The following IMPDH1 variants were observed in gnomAD, a reference collection of about 807,000 sequenced individuals.
IMPDH1 encodes the protein inosine monophosphate dehydrogenase 1.
Under a neutral mutation model 73.5 loss-of-function variants are expected in IMPDH1, and 41 were observed. The ratio of observed to expected loss-of-function variants is 0.56; its 90% confidence interval spans 0.43 to 0.72. IMPDH1 has a LOEUF of 0.72. Among genes scored for constraint, IMPDH1 ranks in the 30% least tolerant of loss-of-function variants. The pLI, the probability that IMPDH1 is intolerant of heterozygous loss-of-function variation, is 0.00. For synonymous variants in IMPDH1, 318 were observed against 334.3 expected (o/e 0.95, Z 0.53); for missense variants, 645 against 824.8 (o/e 0.78, Z 2.67).
At position 128,392,432 on chromosome 7, in the gene IMPDH1, G is replaced by A. The variant is rs1296537783; in HGVS notation, c.*575C>T. ...GGACGGTGGTGAGTCAGGAATGACA[G>A]GCAGGCGGCCATGACCAGGGCAGTC... is the stretch of plus-strand genomic sequence containing the variant. On this transcript the variant is annotated 3_prime_UTR_variant, in exon 17 of 17. Coordinates refer to ENST00000338791, the MANE Select transcript of IMPDH1 (RefSeq NM_000883.4). The A allele has an allele frequency of 1.3e-5, 2 of 154,674 alleles. No homozygotes were observed. Among genetic ancestry groups the A allele is most frequent in the Non-Finnish European group, 2.9e-5 (2 of 69,438 alleles). 9.6% of individuals were successfully genotyped at this position (154,674 alleles called of 1,614,324 possible). A position where few individuals can be genotyped will look rare whatever the true frequency, so the allele number is the denominator to read the frequency against.
chr7:128,409,525 C>T (rs1041885758), intron 1 of IMPDH1, 41 bp from the exon 2 acceptor site: 4 of 1,609,520 alleles, frequency 2.5e-6, no homozygotes, highest in African/African-American at 1.3e-5. Flanking sequence ...GTTCCCTCTC[C>T]TCCGCTCCCC....
intron 5 of IMPDH1, among the ~76,000 whole-genome samples, chr7:128,403,474 C>T (rs958802886): frequency 1.3e-5 from 2 of 150,546 alleles, no homozygotes; most frequent in Non-Finnish European, 2.9e-5. Flanking sequence ...AGGAGAATCA[C>T]TTGAATCTGG....
Position 128,409,335 on chromosome 7 carries a change from A to G in IMPDH1, c.208T>C (p.Leu70=), listed in dbSNP as rs1356669313. 1 of 1,614,224 alleles carries G rather than the reference A, an allele frequency of 6.2e-7. No homozygotes were observed. The change falls in exon 3 of 17, where the codon TTA becomes CTA. Residue 70 remains leucine, a synonymous_variant. Transcript: ENST00000338791. ...TPRSELSSVV[L]LAGVGVQMDR... is the part of the protein sequence containing the mutation. ...ATCTGGACACCAACACCTGCCAGTA[A>G]GACCACTGAAGATAGTTCTAGGAGG...
At position 128,396,521 on chromosome 7, in the gene IMPDH1, G is replaced by C. The variant is rs1235816921; in HGVS notation, c.1261+79C>G. On this transcript the variant is annotated intron_variant, in intron 12 of 16. Coordinates refer to ENST00000338791, the MANE Select transcript of IMPDH1 (RefSeq NM_000883.4). This position sits in a 1 kb window ranked among gnomAD's most constrained non-coding sequence, Gnocchi z 4.0. ...CCATGGCAGAACAGGGCCTGGCAGA[G>C]AGAGTACTTGATATACATCTGGGGA... is the stretch of plus-strand genomic sequence containing the variant. 9.0e-7 allele frequency: 1 copy of C among 1,106,862 alleles called. No homozygotes were observed. The highest frequency in any genetic ancestry group is 1.6e-5 in the African/African-American group (1 of 64,510). 68.6% of individuals were successfully genotyped at this position (1,106,862 alleles called of 1,614,324 possible). A position where few individuals can be genotyped will look rare whatever the true frequency, so the allele number is the denominator to read the frequency against.
In IMPDH1 at chr7:128,393,693, C is replaced by T. The variant is rs189263831; in HGVS notation, c.1778+585G>A. 1.6e-3 allele frequency: 290 copies of T among 181,932 alleles called. 1 individual carries two copies. Among genetic ancestry groups the T allele is most frequent in the East Asian group, 0.014 (97 of 6,826 alleles). The allele number at this position is 181,932 out of a possible 1,614,324, so 11.3% of individuals were successfully genotyped here. A position where few individuals can be genotyped will look rare whatever the true frequency, so the allele number is the denominator to read the frequency against. On this transcript the variant is annotated intron_variant, in intron 16 of 16. Coordinates refer to ENST00000338791, the MANE Select transcript of IMPDH1 (RefSeq NM_000883.4). ...CCCAGACTGCCCCTGCTCTACTCTA[C>T]GCTTGGCCCGGGCAGCGCGGTTACT...
intron 5 of IMPDH1, among the ~76,000 whole-genome samples, chr7:128,403,195 C>T (rs544196309): frequency 5.9e-5 from 9 of 152,308 alleles, no homozygotes; most frequent in Admixed American, 5.9e-4. Flanking sequence ...CCTGTGTTCC[C>T]ATAGCTGCCT....
chr7:128,398,390 C>A lies in IMPDH1; in HGVS notation c.1074+24G>T. On this transcript the variant is annotated intron_variant, in intron 10 of 16. Coordinates refer to ENST00000338791, the MANE Select transcript of IMPDH1 (RefSeq NM_000883.4). This position sits in a 1 kb window ranked among gnomAD's most constrained non-coding sequence, Gnocchi z 4.3. ...CTGCTGAACCACTCATCCATCTCCC[C>A]CACCACTCAGGCGGGGGCCTTACCA... 1 of 1,604,882 alleles carries A rather than the reference C, an allele frequency of 6.2e-7. No individual in the cohort carries two copies. Among genetic ancestry groups the A allele is most frequent in the Non-Finnish European group, 8.5e-7 (1 of 1,173,072 alleles).
At chr7:128,397,647 G>T (rs747736469) in intron 10 of IMPDH1, among the ~76,000 whole-genome samples, 4 of 152,128 alleles carry the variant, frequency 2.6e-5, no homozygotes, top group African/African-American at 4.8e-5. Context: ...ACTCACAAGG[G>T]ATCAATAAGC....
At chr7:128,395,351 C>A in intron 12 of IMPDH1, 77 bp from the exon 13 acceptor site, 2 of 1,544,286 alleles carry the variant, frequency 1.3e-6, no homozygotes, top group Middle Eastern at 2.2e-4. Context: ...CAGCCCAGCT[C>A]TTCCTCCTGT....
chr7:128,397,892 C>G (rs1459793299), intron 10 of IMPDH1, among the ~76,000 whole-genome samples: 2 of 152,164 alleles, frequency 1.3e-5, no homozygotes, highest in African/African-American at 4.8e-5. Context: ...CTCCCACCCT[C>G]TCCCATTTTG....
rs757136016 is a variant in IMPDH1, at chr7:128,401,077, T to C, written c.442A>G (p.Thr148Ala). The C allele has an allele frequency of 5.0e-6, 8 of 1,613,878 alleles. No homozygotes were observed. The highest frequency in any genetic ancestry group is 1.6e-4 in the Middle Eastern group (1 of 6,078). The change falls in exon 6 of 17, where the codon ACG becomes GCG. Residue 148 changes from threonine to alanine, a missense_variant. By Grantham distance (58) the Thr-to-Ala change is moderately conservative. This residue lies in a region of IMPDH1 where 459 missense variants were observed against 638.2 expected (regional missense o/e 0.72). Transcript: ENST00000338791. ...TCCATGGGGGAGGAGATCAGTGGCG[T>C]CTTCAGCGTGATCTTCCGGGTCAGG... ...SALTRKITLKTPLISSPMDTV... is the reference protein window; with the variant it reads ...SALTRKITLKAPLISSPMDTV...
chr7:128,394,964 C>T lies in IMPDH1; in HGVS notation c.1475G>A (p.Arg492Gln), dbSNP rs140785990. ...GCCCATGCCCCGGTACTTCTTGAGC[C>T]GCACCCCGTCTGAGAAGAAGTACTC... ...PGEYFFSDGV[R>Q]LKKYRGMGSL... The change falls in exon 14 of 17, where the codon CGG becomes CAG. Residue 492 changes from arginine (R) to glutamine (Q), a missense_variant. By Grantham distance (43) the Arg-to-Gln change is conservative. Around this residue, in one of 2 missense-constraint regions of IMPDH1, gnomAD observed 459 missense variants for 638.2 expected, o/e 0.72. Coordinates refer to ENST00000338791, the MANE Select transcript of IMPDH1 (RefSeq NM_000883.4). This position sits in a 1 kb window ranked among gnomAD's most constrained non-coding sequence, Gnocchi z 5.5. 1.8e-4 allele frequency: 283 copies of T among 1,613,810 alleles called. No homozygotes were observed. Among genetic ancestry groups the T allele is most frequent in the Non-Finnish European group, 2.3e-4 (268 of 1,180,018 alleles).
intron 12 of IMPDH1, among the ~76,000 whole-genome samples, chr7:128,395,520 G>A (rs761353142): frequency 3.3e-5 from 5 of 152,166 alleles, no homozygotes; most frequent in African/African-American, 7.2e-5. Flanking sequence ...AACCAGAAGC[G>A]GCCTTCAGAG....
At chr7:128,393,150 T>G (rs1797650975) in intron 16 of IMPDH1, 122 bp from the exon 17 acceptor site, 1 of 1,112,306 alleles carries the variant, frequency 9.0e-7, no homozygotes, top group Non-Finnish European at 1.4e-6. Flanking sequence ...CCCTGAGATC[T>G]CAGCCGTACG....
Position 128,396,698 on chromosome 7 carries a change from G to T in IMPDH1, c.1166-3C>A, listed in dbSNP as rs548947998. 3 of 1,551,082 alleles carry T rather than the reference G, an allele frequency of 1.9e-6. No individual in the cohort carries two copies. Among genetic ancestry groups the T allele is most frequent in the Admixed American group, 3.9e-5 (2 of 51,096 alleles). On this transcript the variant is annotated splice_polypyrimidine_tract_variant and splice_region_variant and intron_variant, in intron 11 of 16. Coordinates refer to ENST00000338791, the MANE Select transcript of IMPDH1 (RefSeq NM_000883.4). This position sits in a 1 kb window ranked among gnomAD's most constrained non-coding sequence, Gnocchi z 4.0. ...CTTGGCCTGGGCTGCTGTCACCACT[G>T]GGGGTGGGGATGGGGCAGAGGAACA... is the stretch of plus-strand genomic sequence containing the variant.
rs72624957 is a variant in IMPDH1 at position 128,398,600 on chromosome 7, G to A, written c.888C>T (p.Ile296=). The change falls in exon 10 of 17, where the codon ATC becomes ATT. Residue 296 remains isoleucine (I), a synonymous_variant. Coordinates refer to ENST00000338791, the MANE Select transcript of IMPDH1 (RefSeq NM_000883.4). The surrounding 1 kb of genome is among the most constrained non-coding windows in gnomAD (Gnocchi z 4.3). ...CCACCAGCTCATCGCAATCATTGAC[G>A]ATAGGCAGCTTCCCTGACAAGGAAT... ...LQRSKKGKLP[I]VNDCDELVAI... 2.4e-4 allele frequency: 394 copies of A among 1,612,780 alleles called. No individual in the cohort carries two copies. The Middle Eastern group carries it at 4.8e-3, about 20-fold the overall frequency.
intron 10 of IMPDH1, among the ~76,000 whole-genome samples, chr7:128,397,513 G>A (rs1209410389): frequency 6.6e-6 from 1 of 152,210 alleles, no homozygotes; most frequent in African/African-American, 2.4e-5. Context: ...TATGAGCCAA[G>A]AAGGCCCTCA....
At position 128,396,612 on chromosome 7, in the gene IMPDH1, T is replaced by G; in HGVS notation, c.1249A>C (p.Ile417Leu). ...TCCTGACACCCACCTTCCTGGGTGA[T>G]GCAGATGGAGCCGCAGCCCATGCCC... is the stretch of plus-strand genomic sequence containing the variant. The part of the protein sequence containing the change: ...RVGMGCGSIC[I>L]TQEVMACGRP... The change falls in exon 12 of 17, where the codon ATC becomes CTC. Residue 417 changes from isoleucine (I) to leucine (L), a missense_variant. Transcript: ENST00000338791. This position sits in a 1 kb window ranked among gnomAD's most constrained non-coding sequence, Gnocchi z 4.0. 1 of 1,554,212 alleles carries G rather than the reference T, an allele frequency of 6.4e-7. No homozygotes were observed. Among genetic ancestry groups the G allele is most frequent in the Non-Finnish European group, 8.7e-7 (1 of 1,148,290 alleles).
Position 128,397,017 on chromosome 7 carries a change from C to A in IMPDH1, c.1080G>T (p.Ser360=). 1 of 1,613,322 alleles carries A rather than the reference C, an allele frequency of 6.2e-7. No homozygotes were observed. The highest frequency in any genetic ancestry group is 8.5e-7 in the Non-Finnish European group (1 of 1,179,282). The part of the protein sequence containing the change: ...QAGVDVIVLD[S]SQGNSVYQIA... ...TCTGATACACCGAATTCCCTTGGGACGAGTCCTGTGAGAAAGGACGGAAGA... is the reference window on the plus strand; with the variant it reads ...TCTGATACACCGAATTCCCTTGGGAAGAGTCCTGTGAGAAAGGACGGAAGA... The change falls in exon 11 of 17, where the codon TCG becomes TCT. Residue 360 remains serine (S), a synonymous_variant. Coordinates refer to ENST00000338791, the MANE Select transcript of IMPDH1 (RefSeq NM_000883.4).
Sources: gnomAD v4.1 joint callset for allele counts (sites outside exome capture counted in the v4.1 genomes callset) on GRCh38, gnomAD v4.1.1 for gene constraint, gnomAD v4.1.1 regional missense constraint, Gnocchi (gnomAD v3.1) non-coding constraint, MANE v1.5 for transcripts, NCBI Gene and HGNC (gene_info 2026-07-23, HGNC 2026-07-21) for gene names.